Variants in PARP11 observed in about 807,000 individuals in gnomAD.
PARP11 encodes protein mono-ADP-ribosyltransferase PARP11.
In PARP11, 31 loss-of-function variants were observed where a neutral mutation model predicts 42.9. The ratio of observed to expected loss-of-function variants is 0.72; its 90% CI spans 0.54 to 0.98. The LOEUF (loss-of-function observed/expected upper bound fraction) is 0.98. PARP11 is among the 50% of genes least tolerant of loss of function. The probability of loss-of-function intolerance (pLI) is 0.00; values close to 1 mark genes in which losing one functional copy is unlikely to be tolerated. For synonymous variants in PARP11, 137 were observed against 127.3 expected (o/e 1.08, Z -0.51); for missense variants, 365 against 413.1 (o/e 0.88, Z 1.01).
chr12:3,839,374 A>G (rs922135926), intron 1 of PARP11: 3 of 1,479,408 alleles, frequency 2.0e-6, no homozygotes, highest in African/African-American at 1.4e-5. Flanking sequence ...CGCGACGCCC[A>G]TGGACGCCTA....
Position 3,839,954 on chromosome 12 carries a change from CTGA to C in PARP11, c.19-9939_19-9937del, listed in dbSNP as rs1947852510. 6 of 1,271,280 alleles carry C rather than the reference CTGA, an allele frequency of 4.7e-6. No individual in the cohort carries two copies. The African/African-American group carries it at 8.8e-5, about 19-fold the overall frequency. The allele number at this position is 1,271,280 out of a possible 1,614,324, so 78.7% of individuals were successfully genotyped here. ...AAGAGTAAAACTGCTGTTGCTGCTG[CTGA>C]TGTGAATGGATTTAAACCTTTGTCA... On this transcript the variant is annotated intron_variant, in intron 1 of 7. Coordinates refer to ENST00000228820, the MANE Select transcript of PARP11 (RefSeq NM_020367.6).
Position 3,814,372 on chromosome 12 carries a change from T to C in PARP11, c.549-184A>G, listed in dbSNP as rs1313801419. On this transcript the variant is annotated intron_variant, in intron 6 of 7. Coordinates refer to ENST00000228820, the MANE Select transcript of PARP11 (RefSeq NM_020367.6). ...CAAATGTTCTTGGACACATAAATCA[T>C]CTCATCAAAAATTATTAGTTAACAC... is the stretch of plus-strand genomic sequence containing the variant. 2.0e-5 allele frequency among the ~76,000 whole-genome samples: 3 copies of C among 152,156 alleles called. No homozygotes were observed. The East Asian group carries it at 5.8e-4, about 29-fold the overall frequency.
At chr12:3,835,273 T>C (rs1255476909) in intron 1 of PARP11, among the ~76,000 whole-genome samples, 1 of 152,124 alleles carries the variant, frequency 6.6e-6, no homozygotes, top group Non-Finnish European at 1.5e-5. Flanking sequence ...AAATGCCACA[T>C]AAGTAGTCAG....
chr12:3,868,094 A>C (rs1257942563), intron 1 of PARP11, among the ~76,000 whole-genome samples: 4 of 152,210 alleles, frequency 2.6e-5, no homozygotes, highest in African/African-American at 7.2e-5. Flanking sequence ...ATTAGATATA[A>C]GTACTTTGTA....
At chr12:3,839,504 G>A (rs1015370074) in intron 1 of PARP11, 19 of 1,604,114 alleles carry the variant, frequency 1.2e-5, no homozygotes, top group Admixed American at 1.0e-4. Context: ...AGAATGGCCT[G>A]TATTCACTGT....
At chr12:3,839,962 A>T in intron 1 of PARP11, 1 of 1,336,854 alleles carries the variant, frequency 7.5e-7, no homozygotes, top group Non-Finnish European at 1.1e-6. Flanking sequence ...TGCTGATGTG[A>T]ATGGATTTAA....
At chr12:3,821,106 C>T (rs1947382270) in intron 6 of PARP11, among the ~76,000 whole-genome samples, 1 of 152,104 alleles carries the variant, frequency 6.6e-6, no homozygotes, top group South Asian at 2.1e-4. Flanking sequence ...ATCAGGATGA[C>T]GGATACATGA....
Position 3,873,264 on chromosome 12 carries a change from G to A in PARP11, c.-35C>T. ...AAAATCGAGCGGAGAGAGCCTGTGG[G>A]AAGGGGCTAGCCGCGGGGCCTGGGT... On this transcript the variant is annotated 5_prime_UTR_variant, in exon 1 of 8. Transcript: ENST00000228820. 1.3e-6 allele frequency: 2 copies of A among 1,550,188 alleles called. No homozygotes were observed. The highest frequency in any genetic ancestry group is 2.4e-5 in the South Asian group (2 of 84,038).
Position 3,826,167 on chromosome 12 carries a change from C to A in PARP11, c.335G>T (p.Ser112Ile). The A allele has an allele frequency of 6.3e-7, 1 of 1,589,170 alleles. No individual in the cohort carries two copies. Among genetic ancestry groups the A allele is most frequent in the Non-Finnish European group, 8.5e-7 (1 of 1,170,866 alleles). Residue 112 changes from serine (S) to isoleucine (I), a missense_variant, in exon 4 of 8, where the codon AGT (serine) becomes ATT (isoleucine). Physicochemically the swap from Ser to Ile is moderately radical, Grantham distance 142. Coordinates refer to ENST00000228820, the MANE Select transcript of PARP11 (RefSeq NM_020367.6). ...ATTCTCTTTACCATACCTGAAAGCACTGATAGAAAAGGGGGCTCTTTTTAT... is the reference window on the plus strand; with the variant it reads ...ATTCTCTTTACCATACCTGAAAGCAATGATAGAAAAGGGGGCTCTTTTTAT... ...RLIKRAPFSI[S>I]AFSYICENEA...
chr12:3,834,809 T>C (rs192307287), intron 1 of PARP11, among the ~76,000 whole-genome samples: 1 of 151,710 alleles, frequency 6.6e-6, no homozygotes, highest in African/African-American at 2.4e-5. Flanking sequence ...AGAAAGGCAG[T>C]ATAAAAACAC....
At chr12:3,867,467 A>T (rs941858531) in intron 1 of PARP11, among the ~76,000 whole-genome samples, 1 of 152,224 alleles carries the variant, frequency 6.6e-6, no homozygotes, top group Non-Finnish European at 1.5e-5. Flanking sequence ...CCAAAAAGTA[A>T]TTCTATGTTT....
In PARP11 at chr12:3,839,994, G is replaced by C. The variant is rs146696731; in HGVS notation, c.19-9976C>G. ...TTAAACCTTTGTCAGGCAACGAGCA[G>C]CTGAAGAACAATGGGAACTCTACTA... On this transcript the variant is annotated intron_variant, in intron 1 of 7. Transcript: ENST00000228820. The C allele has an allele frequency of 1.1e-3, 1,695 of 1,571,118 alleles. 28 individuals carry two copies. The African/African-American group carries it at 0.02, about 19-fold the overall frequency.
At chr12:3,831,476 G>A (rs1217257971) in intron 1 of PARP11, among the ~76,000 whole-genome samples, 1 of 152,036 alleles carries the variant, frequency 6.6e-6, no homozygotes, top group Non-Finnish European at 1.5e-5. Context: ...CAATTGCCTT[G>A]TCTAGGCCAC....
intron 1 of PARP11, chr12:3,872,729 C>T: frequency 1.0e-6 from 1 of 985,206 alleles, no homozygotes; most frequent in African/African-American, 1.7e-5. Context: ...GGCAGGTAAA[C>T]CTGAGGCAAA....
chr12:3,873,129 G>A lies in PARP11; in HGVS notation c.18+83C>T, dbSNP rs776447500. On this transcript the variant is annotated intron_variant, in intron 1 of 7. Transcript: ENST00000228820. The stretch of plus-strand genomic sequence containing the variant: ...AACACCCAGACTGAAGCGAGCGCGG[G>A]GAAGCAGTTCCGGTGACCCCCTCCC... The A allele has an allele frequency of 5.8e-4, 735 of 1,273,730 alleles. 1 individual carries two copies. Among genetic ancestry groups the A allele is most frequent in the Non-Finnish European group, 7.4e-4 (665 of 895,978 alleles). 78.9% of individuals were successfully genotyped at this position (1,273,730 alleles called of 1,614,324 possible).
Position 3,812,370 on chromosome 12 carries a change from G to T in PARP11, c.770C>A (p.Thr257Lys), listed in dbSNP as rs1207003391. The T allele has an allele frequency of 6.2e-7, 1 of 1,614,010 alleles. No homozygotes were observed. Among genetic ancestry groups the T allele is most frequent in the African/African-American group, 1.3e-5 (1 of 74,928 alleles). ...FCKDDIKHGNTFQIHGVSLQQ... is the reference protein window; with the variant it reads ...FCKDDIKHGNKFQIHGVSLQQ... ...CAAGCTGACACCATGAATTTGGAAT[G>T]TGTTCCCATGCTTTATGTCATCTTT... Residue 257 changes from threonine to lysine, a missense_variant, in exon 8 of 8, where the codon ACA (threonine) becomes AAA (lysine). Transcript: ENST00000228820.
intron 1 of PARP11, among the ~76,000 whole-genome samples, chr12:3,834,050 T>C (rs1305656359): frequency 1.3e-5 from 2 of 152,150 alleles, no homozygotes; most frequent in East Asian, 1.9e-4. Context: ...AGGCTGCAAA[T>C]ACTGGGCCCT....
chr12:3,873,121 G>A, intron 1 of PARP11, 91 bp downstream of exon 1: 2 of 1,221,430 alleles, frequency 1.6e-6, no homozygotes, highest in Non-Finnish European at 2.4e-6. Context: ...AGACTGAAGC[G>A]AGCGCGGGGA....
intron 4 of PARP11, chr12:3,824,720 T>A (rs1252794707): frequency 1.8e-6 from 1 of 552,618 alleles, no homozygotes; most frequent in Admixed American, 6.4e-5. Context: ...GTGTTTCTTG[T>A]CTCCACCAAA....
Sources: allele counts gnomAD v4.1 joint callset (sites outside exome capture counted in the v4.1 genomes callset), GRCh38; gene constraint gnomAD v4.1.1; transcripts MANE v1.5; gene names NCBI Gene and HGNC (gene_info 2026-07-23, HGNC 2026-07-21).